RABGEF1: variants seen among roughly 807,000 people sequenced by gnomAD.
RABGEF1 encodes the protein RAB guanine nucleotide exchange factor 1, also known as rab5 GDP/GTP exchange factor.
In RABGEF1, 26 loss-of-function variants were observed where a neutral mutation model predicts 57.3. The ratio of observed to expected loss-of-function variants is 0.45; its 90% CI spans 0.33 to 0.63. The LOEUF (loss-of-function observed/expected upper bound fraction) is 0.63. RABGEF1 is among the 20% of genes least tolerant of loss of function. The pLI is 0.02. For synonymous variants in RABGEF1, 185 were observed against 210.7 expected (o/e 0.88, Z 1.06); for missense variants, 464 against 607.6 (o/e 0.76, Z 2.48).
chr7:66,767,049 C>T lies in RABGEF1; in HGVS notation c.-17-4834C>T, dbSNP rs200080284. On this transcript the variant is annotated intron_variant, in intron 1 of 8. Transcript: ENST00000284957. The stretch of plus-strand genomic sequence containing the variant: ...ATGGCGTCTCCCTCTGTTGCCCAGG[C>T]TGGAGTGCAATGGCATGATCTTGGC... Among the ~76,000 whole-genome samples the T allele has an allele frequency of 6.3e-5, 9 of 142,356 alleles. No homozygotes were observed. In the East Asian group the frequency reaches 1.7e-3, roughly 26 times the overall value. 93.4% of individuals were successfully genotyped at this position (142,356 alleles called of 152,430 possible).
intron 1 of RABGEF1, among the ~76,000 whole-genome samples, chr7:66,702,097 T>C (rs1793363119): frequency 6.6e-6 from 1 of 152,212 alleles, no homozygotes; most frequent in African/African-American, 2.4e-5. Context: ...ACTAATCCAC[T>C]TTCTGTCTAT....
intron 4 of RABGEF1, among the ~76,000 whole-genome samples, chr7:66,788,826 G>T (rs1281642125): frequency 6.6e-6 from 1 of 151,756 alleles, no homozygotes; most frequent in Non-Finnish European, 1.5e-5. Context: ...GTGGTGGCGG[G>T]TGCCTGTAAT....
chr7:66,771,763 C>A, intron 1 of RABGEF1, 120 bp from the exon 2 acceptor site: 1 of 603,000 alleles, frequency 1.7e-6, no homozygotes, highest in Non-Finnish European at 2.5e-6. Flanking sequence ...CCTTCATTCC[C>A]TCCATCCCTC....
intron 3 of RABGEF1, among the ~76,000 whole-genome samples, chr7:66,776,728 A>G (rs758603844): frequency 1.3e-5 from 2 of 152,200 alleles, no homozygotes; most frequent in Non-Finnish European, 1.5e-5. Context: ...GATTGATTAC[A>G]TGATTAATTT....
intron 7 of RABGEF1, among the ~76,000 whole-genome samples, chr7:66,800,675 C>T (rs540413294): frequency 3.3e-5 from 5 of 152,312 alleles, no homozygotes; most frequent in African/African-American, 1.2e-4. Context: ...TTTTTCCTGA[C>T]TCTTACTAGA....
At chr7:66,757,199 T>G (rs1447916462) in intron 1 of RABGEF1, among the ~76,000 whole-genome samples, 1 of 152,228 alleles carries the variant, frequency 6.6e-6, no homozygotes, top group Non-Finnish European at 1.5e-5. Flanking sequence ...GATTATATTT[T>G]CTCATTAAAA....
chr7:66,685,855 T>C (rs961098349), intron 1 of RABGEF1, among the ~76,000 whole-genome samples: 1 of 152,198 alleles, frequency 6.6e-6, no homozygotes, highest in African/African-American at 2.4e-5. Context: ...TGGGGTTTTA[T>C]TGGCTGCAGA....
At chr7:66,728,595 C>T (rs1389237535) in intron 2 of RABGEF1, among the ~76,000 whole-genome samples, 1 of 152,290 alleles carries the variant, frequency 6.6e-6, no homozygotes, top group East Asian at 1.9e-4. Context: ...TCTCCACCTC[C>T]ACCTCTATCC....
intron 2 of RABGEF1, among the ~76,000 whole-genome samples, chr7:66,716,258 C>T (rs937056070): frequency 2.0e-5 from 3 of 152,032 alleles, no homozygotes; most frequent in Non-Finnish European, 4.4e-5. Context: ...CCAGCATTTA[C>T]GTAACATATC....
intron 1 of RABGEF1, among the ~76,000 whole-genome samples, chr7:66,766,522 T>C (rs1805758131): frequency 6.6e-6 from 1 of 152,166 alleles, no homozygotes; most frequent in Non-Finnish European, 1.5e-5. Flanking sequence ...TATTTATAAA[T>C]GGCTGGTGTC....
intron 1 of RABGEF1, among the ~76,000 whole-genome samples, chr7:66,762,284 A>G (rs1804612896): frequency 6.6e-6 from 1 of 152,208 alleles, no homozygotes; most frequent in Non-Finnish European, 1.5e-5. Flanking sequence ...TAAATAAAAA[A>G]TATTTATTAG....
chr7:66,701,604 G>T (rs1793276661), intron 1 of RABGEF1, among the ~76,000 whole-genome samples: 1 of 151,408 alleles, frequency 6.6e-6, no homozygotes, highest in African/African-American at 2.4e-5. Flanking sequence ...CACCTCCTGG[G>T]TTCAAGCAAT....
chr7:66,669,972 C>G, the RABGEF1 span: 1 of 152,382 alleles, frequency 6.6e-6, no homozygotes, highest in Non-Finnish European at 1.5e-5. Flanking sequence ...GCCCTGGAGG[C>G]CAGCACAGCC....
At chr7:66,750,464 A>G (rs1801158222) in intron 1 of RABGEF1, among the ~76,000 whole-genome samples, 1 of 152,220 alleles carries the variant, frequency 6.6e-6, no homozygotes, top group African/African-American at 2.4e-5. Context: ...ATGACATATT[A>G]GGGAACAAAT....
At chr7:66,731,470 A>C (rs1373405048) in intron 2 of RABGEF1, among the ~76,000 whole-genome samples, 1 of 152,056 alleles carries the variant, frequency 6.6e-6, no homozygotes, top group Non-Finnish European at 1.5e-5. Flanking sequence ...TAATCTCAGC[A>C]GTTTGGGAGG....
At chr7:66,714,879 G>A (rs1795190126) in intron 2 of RABGEF1, among the ~76,000 whole-genome samples, 1 of 152,176 alleles carries the variant, frequency 6.6e-6, no homozygotes, top group Non-Finnish European at 1.5e-5. Context: ...AGCTTGTAGT[G>A]AGCCAAGATC....
At chr7:66,678,575 A>AAG (rs1201962508), upstream of RABGEF1, among the ~76,000 whole-genome samples, 1 of 151,768 alleles carries the variant, frequency 6.6e-6, no homozygotes, top group Non-Finnish European at 1.5e-5. Context: ...AAAAAAAAAA[A>AAG]AAAAAAAAAG....
the RABGEF1 span, among the ~76,000 whole-genome samples, chr7:66,670,111 C>A: frequency 6.6e-6 from 1 of 152,260 alleles, no homozygotes; most frequent in East Asian, 1.9e-4. Context: ...ATTGCATTTG[C>A]ACCAAAATCG....
intron 1 of RABGEF1, among the ~76,000 whole-genome samples, chr7:66,682,477 C>G (rs943341462): frequency 2.6e-5 from 4 of 152,218 alleles, no homozygotes; most frequent in African/African-American, 9.6e-5. Context: ...CCTCTCCGTC[C>G]AACGTGCTCG....
Sources: allele counts gnomAD v4.1 joint callset (sites outside exome capture counted in the v4.1 genomes callset), GRCh38; gene constraint gnomAD v4.1.1; transcripts MANE v1.5; gene names NCBI Gene and HGNC (gene_info 2026-07-23, HGNC 2026-07-21).